STXBP6: variants seen among roughly 807,000 people sequenced by gnomAD.
STXBP6 encodes syntaxin-binding protein 6.
In STXBP6, 21 loss-of-function variants were observed where a neutral mutation model predicts 26.9. That is an observed-to-expected ratio of 0.78 (90% CI 0.55 to 1.12). The LOEUF is 1.12. Among genes scored for constraint, STXBP6 ranks in the 50% most tolerant of loss-of-function variants. The pLI is 0.00. For missense variants in STXBP6, 232 were observed against 257.9 expected (o/e 0.90, Z 0.69); for synonymous variants, 97 against 92.6 (o/e 1.05, Z -0.27).
intron 1 of STXBP6, among the ~76,000 whole-genome samples, chr14:25,001,761 CT>C (rs1341011631): frequency 1.3e-5 from 2 of 152,084 alleles, no homozygotes; most frequent in African/African-American, 2.4e-5. Flanking sequence ...TTTTTCTTGC[CT>C]TTTGGCATGC....
chr14:24,962,534 G>A (rs924162808), intron 2 of STXBP6, among the ~76,000 whole-genome samples: 8 of 151,756 alleles, frequency 5.3e-5, no homozygotes, highest in Admixed American at 4.6e-4. Flanking sequence ...CTCCACGTTG[G>A]CCAGGCTGGT....
intron 2 of STXBP6, among the ~76,000 whole-genome samples, chr14:24,881,430 A>G (rs1291007214): frequency 6.6e-6 from 1 of 152,264 alleles, no homozygotes; most frequent in Non-Finnish European, 1.5e-5. Context: ...AAATACCATG[A>G]AAAAGGCATT....
At chr14:25,029,694 CG>C (rs1339358420) in intron 1 of STXBP6, among the ~76,000 whole-genome samples, 1 of 152,048 alleles carries the variant, frequency 6.6e-6, no homozygotes, top group African/African-American at 2.4e-5. Context: ...CAAGTGCTGG[CG>C]GGAGTATAAA....
intron 2 of STXBP6, among the ~76,000 whole-genome samples, chr14:24,920,597 T>C (rs971489276): frequency 2.0e-5 from 3 of 152,010 alleles, no homozygotes; most frequent in Non-Finnish European, 4.4e-5. Context: ...GCATACTTTA[T>C]TGAATTGGAA....
At chr14:24,879,708 C>A (rs991985559) in intron 2 of STXBP6, among the ~76,000 whole-genome samples, 3 of 149,370 alleles carry the variant, frequency 2.0e-5, no homozygotes, top group African/African-American at 4.9e-5. Flanking sequence ...TCTTGCCTTT[C>A]CACGTCGCCT....
chr14:24,906,374 A>G (rs1280888833), intron 2 of STXBP6, among the ~76,000 whole-genome samples: 3 of 152,204 alleles, frequency 2.0e-5, no homozygotes, highest in Non-Finnish European at 4.4e-5. Context: ...ATACGAGGCC[A>G]TTTTAATAAT....
intron 1 of STXBP6, among the ~76,000 whole-genome samples, chr14:25,011,826 T>C (rs2075039023): frequency 6.6e-6 from 1 of 152,160 alleles, no homozygotes; most frequent in Non-Finnish European, 1.5e-5. Context: ...GTTCACAAAT[T>C]AGTGGAAAAC....
intron 2 of STXBP6, among the ~76,000 whole-genome samples, chr14:24,904,294 C>T (rs570174725): frequency 5.9e-5 from 9 of 152,280 alleles, no homozygotes; most frequent in East Asian, 5.8e-4. Context: ...CATATCTACG[C>T]GGTTAAGTCA....
At chr14:24,974,595 T>G (rs1408909026) in intron 2 of STXBP6, 70 bp downstream of exon 2, 2 of 1,389,142 alleles carry the variant, frequency 1.4e-6, no homozygotes, top group East Asian at 5.0e-5. Flanking sequence ...GTAAACCTCC[T>G]GGATACCTCA....
chr14:25,023,322 C>T (rs1215132001), intron 1 of STXBP6, among the ~76,000 whole-genome samples: 1 of 151,786 alleles, frequency 6.6e-6, no homozygotes, highest in Non-Finnish European at 1.5e-5. Context: ...AAAAAAAAGC[C>T]CGTCAGAAAG....
intron 2 of STXBP6, among the ~76,000 whole-genome samples, chr14:24,929,533 G>A (rs934768310): frequency 2.0e-5 from 3 of 152,206 alleles, no homozygotes; most frequent in Admixed American, 6.5e-5. Context: ...TCATGCCCAC[G>A]TTGGCAGTTT....
chr14:25,008,498 C>T lies in STXBP6; in HGVS notation c.-32-33648G>A, dbSNP rs192053636. ...GACCTTGTCTCAAACAAAAAGAGTT[C>T]GTCTTTCCAAATGTACCTGATAAAT... On this transcript the variant is annotated intron_variant, in intron 1 of 5. Coordinates refer to ENST00000323944, the MANE Select transcript of STXBP6 (RefSeq NM_001394410.1). Among the ~76,000 whole-genome samples the T allele has an allele frequency of 3.4e-3, 516 of 152,278 alleles. 2 individuals are homozygous for T. Among genetic ancestry groups the T allele is most frequent in the African/African-American group, 0.012 (489 of 41,550 alleles).
At position 24,974,771 on chromosome 14, in the gene STXBP6, A is replaced by G. The variant is rs767031935; in HGVS notation, c.48T>C (p.Asp16=). Residue 16 remains aspartate, a synonymous_variant, in exon 2 of 6, where the codon GAT becomes GAC. Transcript: ENST00000323944. ...CTTGGACAGCTCCCAGCATCCTTTC[A>G]TCAAGAGGTGCAAAAATTTCCTTGC... is the stretch of plus-strand genomic sequence containing the variant. The part of the protein sequence containing the change: ...AISKEIFAPL[D]ERMLGAVQVK... 4.4e-6 allele frequency: 7 copies of G among 1,607,896 alleles called. No individual in the cohort carries two copies. Among genetic ancestry groups the G allele is most frequent in the African/African-American group, 4.0e-5 (3 of 74,996 alleles).
intron 2 of STXBP6, among the ~76,000 whole-genome samples, chr14:24,926,588 T>C (rs890073004): frequency 5.9e-5 from 9 of 152,178 alleles, no homozygotes; most frequent in African/African-American, 4.8e-5. Flanking sequence ...AAGATTTGTA[T>C]CCATAGCTGG....
At chr14:24,902,387 G>A (rs1334802734) in intron 2 of STXBP6, among the ~76,000 whole-genome samples, 1 of 152,178 alleles carries the variant, frequency 6.6e-6, no homozygotes, top group Non-Finnish European at 1.5e-5. Flanking sequence ...GTATATGGTT[G>A]CTATGGACTG....
At chr14:25,039,348 G>C (rs2075604850) in intron 1 of STXBP6, among the ~76,000 whole-genome samples, 1 of 152,158 alleles carries the variant, frequency 6.6e-6, no homozygotes, top group African/African-American at 2.4e-5. Context: ...TATTTCAAAA[G>C]TGGAGAGCTT....
At position 24,939,716 on chromosome 14, in the gene STXBP6, A is replaced by G. The variant is rs561140496; in HGVS notation, c.154+34949T>C. On this transcript the variant is annotated intron_variant, in intron 2 of 5. Coordinates refer to ENST00000323944, the MANE Select transcript of STXBP6 (RefSeq NM_001394410.1). ...TTCTAATAGCCACATGGAAAACTACAAAGAAACAGGTGACATTAATCATGT... is the reference window on the plus strand; with the variant it reads ...TTCTAATAGCCACATGGAAAACTACGAAGAAACAGGTGACATTAATCATGT... Among the ~76,000 whole-genome samples, 63 of 152,352 alleles carry G rather than the reference A, an allele frequency of 4.1e-4. 1 individual carries two copies. The highest frequency in any genetic ancestry group is 1.4e-3 in the African/African-American group (60 of 41,580).
intron 2 of STXBP6, among the ~76,000 whole-genome samples, chr14:24,872,935 G>A (rs2069991700): frequency 6.6e-6 from 1 of 152,150 alleles, no homozygotes; most frequent in Non-Finnish European, 1.5e-5. Flanking sequence ...ACTTTGTTGT[G>A]CCGAATCTGA....
chr14:24,991,599 C>T (rs1022460356), intron 1 of STXBP6, among the ~76,000 whole-genome samples: 3 of 152,144 alleles, frequency 2.0e-5, no homozygotes, highest in Admixed American at 6.5e-5. Flanking sequence ...CAATATAAAT[C>T]CAGTCAAAAG....
Sources: allele counts gnomAD v4.1 joint callset (sites outside exome capture counted in the v4.1 genomes callset), GRCh38; gene constraint gnomAD v4.1.1; transcripts MANE v1.5; gene names NCBI Gene and HGNC (gene_info 2026-07-23, HGNC 2026-07-21).